Variants in HCN1 observed in about 807,000 individuals in gnomAD.
HCN1 encodes the protein hyperpolarization activated cyclic nucleotide gated potassium channel 1.
Under a neutral mutation model 78.9 loss-of-function variants are expected in HCN1, and 13 were observed. The observed-to-expected ratio is 0.16, with a 90% CI of 0.11 to 0.26. The LOEUF (loss-of-function observed/expected upper bound fraction) is 0.26, where lower values mean the gene tolerates loss of function less well. Ranked by LOEUF, HCN1 falls within the 10% of genes least tolerant of loss-of-function variation. HCN1 has a pLI of 1.00. For missense variants in HCN1, 810 were observed against 1,154.3 expected, an observed-to-expected ratio of 0.70 and a Z score of 4.32; for synonymous variants, 552 against 455.5, an observed-to-expected ratio of 1.21 and a Z score of -2.70.
intron 4 of HCN1, 68 bp downstream of exon 4, chr5:45,396,424 G>C: frequency 1.6e-5 from 19 of 1,165,426 alleles, no homozygotes; most frequent in Non-Finnish European, 2.3e-5. Context: ...TAGTTATCTT[G>C]AACACAATTC....
intron 5 of HCN1, among the ~76,000 whole-genome samples, chr5:45,328,017 A>C (rs191998688): frequency 2.0e-5 from 3 of 151,832 alleles, no homozygotes; most frequent in Admixed American, 2.0e-4. Context: ...GACAAGAAGA[A>C]TGAAGTTGCC....
At chr5:45,464,396 G>A (rs1296269420) in intron 2 of HCN1, among the ~76,000 whole-genome samples, 1 of 152,074 alleles carries the variant, frequency 6.6e-6, no homozygotes, top group Non-Finnish European at 1.5e-5. Context: ...GGTAGTGCTA[G>A]TGCTGGCTTC....
chr5:45,497,665 GTC>G (rs1347652790), intron 2 of HCN1, among the ~76,000 whole-genome samples: 1 of 152,112 alleles, frequency 6.6e-6, no homozygotes, highest in African/African-American at 2.4e-5. Flanking sequence ...CAATTCGCCA[GTC>G]TGTGTCTTTT....
chr5:45,500,679 G>A (rs183922430), intron 2 of HCN1, among the ~76,000 whole-genome samples: 191 of 152,096 alleles, frequency 1.3e-3, no homozygotes, highest in Non-Finnish European at 2.1e-3. Flanking sequence ...ACCCTTATCC[G>A]TCAGCATGGT....
chr5:45,398,999 A>T (rs945886536), intron 3 of HCN1, among the ~76,000 whole-genome samples: 2 of 152,186 alleles, frequency 1.3e-5, no homozygotes, highest in Admixed American at 1.3e-4. Context: ...TTACTGCCTG[A>T]GTGCCATGGG....
intron 2 of HCN1, among the ~76,000 whole-genome samples, chr5:45,585,900 G>A (rs1247748756): frequency 1.3e-5 from 2 of 152,170 alleles, no homozygotes; most frequent in African/African-American, 4.8e-5. Flanking sequence ...TGTCTCAGAG[G>A]AGTACCCAGC....
At chr5:45,349,122 A>G (rs889758514) in intron 5 of HCN1, among the ~76,000 whole-genome samples, 19 of 152,300 alleles carry the variant, frequency 1.2e-4, no homozygotes, top group South Asian at 4.1e-4. Context: ...CATACTTGGA[A>G]GTAAAGCTCT....
intron 5 of HCN1, among the ~76,000 whole-genome samples, chr5:45,310,194 A>T (rs1579799302): frequency 6.6e-6 from 1 of 152,316 alleles, no homozygotes; most frequent in South Asian, 2.1e-4. Flanking sequence ...GAGCTTCTAC[A>T]CACCAAAATA....
chr5:45,624,045 AGTGT>A (rs1745118463), intron 2 of HCN1, among the ~76,000 whole-genome samples: 1 of 152,190 alleles, frequency 6.6e-6, no homozygotes, highest in South Asian at 2.1e-4. Context: ...GCAGGGAGAT[AGTGT>A]GGCTAGAGGA....
chr5:45,576,615 G>T (rs1743952657), intron 2 of HCN1: 1 of 152,036 alleles, frequency 6.6e-6, no homozygotes, highest in South Asian at 2.1e-4. Flanking sequence ...AGGCTCAGAT[G>T]ATCTTGTTAG....
At chr5:45,648,584 A>G (rs1022144419) in intron 1 of HCN1, among the ~76,000 whole-genome samples, 1 of 152,106 alleles carries the variant, frequency 6.6e-6, no homozygotes, top group Non-Finnish European at 1.5e-5. Context: ...GAAGTGCAAT[A>G]TACCTTCTTT....
intron 2 of HCN1, among the ~76,000 whole-genome samples, chr5:45,574,355 A>T (rs887269940): frequency 6.6e-6 from 1 of 152,014 alleles, no homozygotes; most frequent in Non-Finnish European, 1.5e-5. Flanking sequence ...TGTTATGGTG[A>T]TCTGTGATCA....
rs74510307 is a variant in HCN1 at position 45,480,290 on chromosome 5, C to A, written c.850-18283G>T. Among the ~76,000 whole-genome samples, 70 of 152,198 alleles carry A rather than the reference C, an allele frequency of 4.6e-4. No individual in the cohort carries two copies. In the East Asian group the frequency reaches 0.013, roughly 29 times the overall value. The stretch of plus-strand genomic sequence containing the variant: ...TTTCTCTCCTGACACCCCATGCTTC[C>A]ATTCTGTAGTTTTCATAAGCTGGTT... On this transcript the variant is annotated intron_variant, in intron 2 of 7. Coordinates refer to ENST00000303230, the MANE Select transcript of HCN1 (RefSeq NM_021072.4).
intron 5 of HCN1, among the ~76,000 whole-genome samples, chr5:45,342,748 A>G (rs1157149445): frequency 6.6e-6 from 1 of 152,180 alleles, no homozygotes; most frequent in Non-Finnish European, 1.5e-5. Flanking sequence ...AGAAATTTAG[A>G]TAAGTTTATA....
chr5:45,581,362 G>A (rs574035012), intron 2 of HCN1, among the ~76,000 whole-genome samples: 1 of 152,162 alleles, frequency 6.6e-6, no homozygotes, highest in Admixed American at 6.5e-5. Flanking sequence ...CTTTTTGATG[G>A]GGTTGTTTGT....
At chr5:45,352,782 C>G (rs1746937706) in intron 5 of HCN1, among the ~76,000 whole-genome samples, 1 of 151,330 alleles carries the variant, frequency 6.6e-6, no homozygotes, top group South Asian at 2.1e-4. Context: ...GAATAGGAAT[C>G]AAAAAGAAGA....
chr5:45,392,328 G>GA (rs1739584997), intron 4 of HCN1, among the ~76,000 whole-genome samples: 1 of 151,884 alleles, frequency 6.6e-6, no homozygotes, highest in South Asian at 2.1e-4. Flanking sequence ...TCATTTACAA[G>GA]AAAAAACAAG....
At chr5:45,322,970 T>C (rs1326784733) in intron 5 of HCN1, among the ~76,000 whole-genome samples, 1 of 151,844 alleles carries the variant, frequency 6.6e-6, no homozygotes, top group Non-Finnish European at 1.5e-5. Context: ...TTTCAGGCAC[T>C]TGAAACACGG....
chr5:45,358,730 C>T (rs1747055091), intron 4 of HCN1, among the ~76,000 whole-genome samples: 1 of 152,098 alleles, frequency 6.6e-6, no homozygotes, highest in South Asian at 2.1e-4. Flanking sequence ...AATAGCCCTA[C>T]AAAGGTGCCT....
Sources: gnomAD v4.1 joint callset for allele counts (sites outside exome capture counted in the v4.1 genomes callset) on GRCh38, gnomAD v4.1.1 for gene constraint, MANE v1.5 for transcripts, NCBI Gene and HGNC (gene_info 2026-07-23, HGNC 2026-07-21) for gene names.